Variants in THYN1 observed in about 807,000 individuals in gnomAD.
THYN1 encodes the protein thymocyte nuclear protein 1.
A neutral mutation model predicts 30.6 loss-of-function variants in THYN1; 32 were observed. The observed-to-expected ratio is 1.05, with a 90% confidence interval of 0.79 to 1.40. The LOEUF is 1.40. Among genes scored for constraint, THYN1 ranks in the 40% most tolerant of loss-of-function variants. THYN1 has a pLI of 0.00. For missense variants in THYN1, 259 were observed against 272.6 expected, an observed-to-expected ratio of 0.95 and a Z score of 0.35; for synonymous variants, 107 against 90.8, an observed-to-expected ratio of 1.18 and a Z score of -1.01.
At position 134,251,226 on chromosome 11, in the gene THYN1, C is replaced by CTT; in HGVS notation, c.124_125dup (p.Thr43ArgfsTer9). On this transcript the variant is annotated frameshift_variant, in exon 2 of 7. Transcript: ENST00000341541. LOFTEE classifies it high-confidence loss of function. ...TCAAACAGTTTTTAGTGGCTGAAGT[C>CTT]TTCTGAGGGTTGGAGTCCTCCACTT... 1 of 1,614,214 alleles carries CTT rather than the reference C, an allele frequency of 6.2e-7. No homozygotes were observed. Among genetic ancestry groups the CTT allele is most frequent in the Non-Finnish European group, 8.5e-7 (1 of 1,180,034 alleles).
chr11:134,248,922 A>G lies in THYN1; in HGVS notation c.518T>C (p.Ile173Thr), dbSNP rs766109535. ...VQFVRMMKRF[I>T]PLAELKSYHQ... Reference sequence around the variant, plus strand: ...ATAGGATTTGAGCTCAGCCAGGGGAATGAAACGTTTCATCATCCGAACAAA... The same window carrying G: ...ATAGGATTTGAGCTCAGCCAGGGGAGTGAAACGTTTCATCATCCGAACAAA... The change falls in exon 6 of 7, where the codon ATT (isoleucine) becomes ACT (threonine). Residue 173 changes from isoleucine (I) to threonine (T), a missense_variant. Ile to Thr is a moderately conservative substitution (Grantham distance 89, BLOSUM62 -1). Transcript: ENST00000341541. The G allele has an allele frequency of 8.1e-6, 13 of 1,614,060 alleles. No homozygotes were observed. Among genetic ancestry groups the G allele is most frequent in the Non-Finnish European group, 7.6e-6 (9 of 1,180,030 alleles).
At position 134,251,161 on chromosome 11, in the gene THYN1, T is replaced by C. The variant is rs1163509665; in HGVS notation, c.191A>G (p.Glu64Gly). 1.2e-6 allele frequency: 2 copies of C among 1,613,938 alleles called. No homozygotes were observed. The highest frequency in any genetic ancestry group is 1.7e-6 in the Non-Finnish European group (2 of 1,180,012). Residue 64 changes from glutamate (E) to glycine (G), a missense_variant, in exon 2 of 7, where the codon GAG becomes GGG. Physicochemically the swap from Glu to Gly is moderately conservative, Grantham distance 98. Transcript: ENST00000341541. ...SSHWLMKSEP[E>G]SRLEKGVDVK... ...ATCTACACCTTTCTCTAGGCGGCTC[T>C]CTGGCTCTGACTTCATCAGCCAGTG...
chr11:134,250,190 AG>A, intron 3 of THYN1, 84 bp downstream of exon 3: 1 of 1,490,006 alleles, frequency 6.7e-7, no homozygotes, highest in Non-Finnish European at 9.3e-7. Context: ...CTTGGCCAAG[AG>A]GTTCTGCTAC....
At chr11:134,251,363 T>A (rs1352953738) in intron 1 of THYN1, 55 bp from the exon 2 acceptor site, 35 of 1,553,714 alleles carry the variant, frequency 2.3e-5, no homozygotes, top group Non-Finnish European at 2.9e-5. Context: ...CAATGTTTCA[T>A]AATGGAAAAA....
intron 2 of THYN1, 140 bp from the exon 3 acceptor site, chr11:134,250,483 TC>T: frequency 2.4e-6 from 2 of 849,552 alleles, no homozygotes; most frequent in East Asian, 2.7e-5. Context: ...GGGAAGTGGC[TC>T]CACAGAGACA....
chr11:134,253,207 A>G lies in THYN1; in HGVS notation c.-325T>C, dbSNP rs1939210600. On this transcript the variant is annotated 5_prime_UTR_variant, in exon 1 of 7. Transcript: ENST00000341541. ...ACAGAGACACTTTTGTTGGGTGAATATAAGTAAGCCTTGTGTTACCTTGTT... is the reference window on the plus strand; with the variant it reads ...ACAGAGACACTTTTGTTGGGTGAATGTAAGTAAGCCTTGTGTTACCTTGTT... The G allele has an allele frequency of 3.0e-6, 4 of 1,319,550 alleles. No homozygotes were observed. The highest frequency in any genetic ancestry group is 3.9e-6 in the Non-Finnish European group (4 of 1,036,410). 81.7% of individuals were successfully genotyped at this position (1,319,550 alleles called of 1,614,324 possible).
Position 134,251,311 on chromosome 11 carries a change from G to A in THYN1, c.44-3C>T. On this transcript the variant is annotated splice_polypyrimidine_tract_variant and splice_region_variant and intron_variant, in intron 1 of 6. Transcript: ENST00000341541. ...GCGTTTTCCTGATAGTCCCTTGTCTGCAATAGGAGAAGCAAAAAGAAAAGA... is the reference window on the plus strand; with the variant it reads ...GCGTTTTCCTGATAGTCCCTTGTCTACAATAGGAGAAGCAAAAAGAAAAGA... The A allele has an allele frequency of 6.3e-7, 1 of 1,597,502 alleles. No homozygotes were observed. Among genetic ancestry groups the A allele is most frequent in the Non-Finnish European group, 8.5e-7 (1 of 1,174,174 alleles).
intron 2 of THYN1, 131 bp from the exon 3 acceptor site, chr11:134,250,474 G>C (rs1232713700): frequency 7.4e-6 from 7 of 941,974 alleles, no homozygotes; most frequent in Non-Finnish European, 1.1e-5. Context: ...TAGTTCACCG[G>C]GAAGTGGCTC....
chr11:134,248,575 G>T, intron 6 of THYN1, 91 bp from the exon 7 acceptor site: 2 of 1,499,748 alleles, frequency 1.3e-6, no homozygotes, highest in South Asian at 1.1e-5. Flanking sequence ...CATCTTACAT[G>T]GTACTAAGGC....
rs977726356 is a variant in THYN1, at chr11:134,249,980, G to A, written c.292-60C>T. The A allele has an allele frequency of 1.2e-5, 18 of 1,533,298 alleles. 1 individual carries two copies. In the Admixed American group the frequency reaches 1.7e-4, roughly 14 times the overall value. The allele number at this position is 1,533,298 out of a possible 1,614,324, so 95.0% of individuals were successfully genotyped here. ...ACCAGCTGGAAAGTACTAGCTTTTAGCAGAAATCAAGTCTGCTTTTAATAG... is the reference window on the plus strand; with the variant it reads ...ACCAGCTGGAAAGTACTAGCTTTTAACAGAAATCAAGTCTGCTTTTAATAG... On this transcript the variant is annotated intron_variant, in intron 3 of 6. Coordinates refer to ENST00000341541, the MANE Select transcript of THYN1 (RefSeq NM_014174.3).
In THYN1 at chr11:134,250,349, C is replaced by A; in HGVS notation, c.223-6G>T. ...TTGAGATCCTCAATGCTGAACTAGG[C>A]AAGAGGAAATAAATTCAATCATTAA... On this transcript the variant is annotated splice_region_variant and splice_polypyrimidine_tract_variant and intron_variant, in intron 2 of 6. Coordinates refer to ENST00000341541, the MANE Select transcript of THYN1 (RefSeq NM_014174.3). 4 of 1,614,002 alleles carry A rather than the reference C, an allele frequency of 2.5e-6. No homozygotes were observed. Among genetic ancestry groups the A allele is most frequent in the Non-Finnish European group, 3.4e-6 (4 of 1,179,972 alleles).
At chr11:134,249,670 G>A (rs769585430) in intron 4 of THYN1, among the ~76,000 whole-genome samples, 158 bp downstream of exon 4, 1 of 151,238 alleles carries the variant, frequency 6.6e-6, no homozygotes, top group Non-Finnish European at 1.5e-5. Flanking sequence ...TATCAGATAG[G>A]AAGGGGCCAG....
chr11:134,248,664 C>T, intron 6 of THYN1, 145 bp downstream of exon 6: 1 of 1,358,964 alleles, frequency 7.4e-7, no homozygotes, highest in Non-Finnish European at 1.0e-6. Flanking sequence ...GTAACTCTGG[C>T]CACATTCCCT....
intron 1 of THYN1, 56 bp downstream of exon 1, chr11:134,252,784 C>T: frequency 6.2e-7 from 1 of 1,601,362 alleles, no homozygotes; most frequent in Non-Finnish European, 8.5e-7. Context: ...ACTAAACAGG[C>T]TCTTCGAGAA....
In THYN1 at chr11:134,253,020, C is replaced by T. The variant is rs1939195554; in HGVS notation, c.-138G>A. On this transcript the variant is annotated 5_prime_UTR_variant, in exon 1 of 7. Transcript: ENST00000341541. ...CAGCCTAGAACGTCTCCAACTTTTG[C>T]GAAACACAGACGCCTACGTTTGAGC... The T allele has an allele frequency of 2.1e-6, 3 of 1,437,394 alleles. No homozygotes were observed. Among genetic ancestry groups the T allele is most frequent in the African/African-American group, 2.9e-5 (2 of 68,804 alleles). The allele number at this position is 1,437,394 out of a possible 1,614,324, so 89.0% of individuals were successfully genotyped here.
chr11:134,249,294 G>A lies in THYN1; in HGVS notation c.385-32C>T, dbSNP rs1279493130. ...CCAAAACAAAAGCTTTGAATCATCT[G>A]CCTGCAGTCAGCTCCACAGCCAATC... On this transcript the variant is annotated intron_variant, in intron 4 of 6. Transcript: ENST00000341541. The A allele has an allele frequency of 1.9e-6, 3 of 1,600,370 alleles. No individual in the cohort carries two copies. The African/African-American group carries it at 4.0e-5, about 21-fold the overall frequency.
intron 1 of THYN1, among the ~76,000 whole-genome samples, chr11:134,252,567 C>T (rs12292140): frequency 0.26 from 39,829 of 152,092 alleles, 5,630 homozygotes; most frequent in South Asian, 0.38. Context: ...TTGCAGTTCA[C>T]CCGCAAGCAG....
chr11:134,248,592 T>G, intron 6 of THYN1, 108 bp from the exon 7 acceptor site: 3 of 1,448,886 alleles, frequency 2.1e-6, no homozygotes, highest in Non-Finnish European at 2.9e-6. Flanking sequence ...AGGCGAGCAG[T>G]CATTCGTTCA....
chr11:134,249,752 G>A, intron 4 of THYN1, 76 bp downstream of exon 4: 1 of 1,418,428 alleles, frequency 7.1e-7, no homozygotes, highest in Non-Finnish European at 9.8e-7. Flanking sequence ...GCCTAATTAA[G>A]GTATATCCCT....
Sources: allele counts gnomAD v4.1 joint callset (sites outside exome capture counted in the v4.1 genomes callset), GRCh38; gene constraint gnomAD v4.1.1; transcripts MANE v1.5; gene names NCBI Gene and HGNC (gene_info 2026-07-23, HGNC 2026-07-21).